Variants in VRK2 observed in about 807,000 individuals in gnomAD.
VRK2 encodes VRK serine/threonine kinase 2.
VRK2 carries 60 observed loss-of-function variants against 57.6 expected under a neutral mutation model. The ratio of observed to expected loss-of-function variants is 1.04; its 90% CI spans 0.85 to 1.29. The LOEUF (loss-of-function observed/expected upper bound fraction) is 1.29. Among genes scored for constraint, VRK2 ranks in the 50% most tolerant of loss-of-function variants. The pLI, the probability that VRK2 is intolerant of heterozygous loss-of-function variation, is 0.00. For missense variants in VRK2, 705 were observed against 588.1 expected (o/e 1.20, Z -2.06); for synonymous variants, 231 against 199.2 (o/e 1.16, Z -1.35).
intron 1 of VRK2, chr2:58,017,936 G>C (rs1413194066): frequency 6.6e-6 from 1 of 152,178 alleles, no homozygotes; most frequent in Non-Finnish European, 1.5e-5. Context: ...CATCATAATA[G>C]AGACAACAAA....
chr2:58,048,895 G>T lies in VRK2; in HGVS notation c.64G>T (p.Asp22Tyr). The change falls in exon 2 of 13, where the codon GAT becomes TAT. Residue 22 changes from aspartate (D) to tyrosine (Y), a missense_variant. Physicochemically the swap from Asp to Tyr is radical, Grantham distance 160. Transcript: ENST00000340157. ...PIPFPEGKVL[D>Y]DMEGNQWVLG... ...TCCATTTCCAGAAGGCAAGGTTCTG[G>T]ATGATATGGAAGGCAATCAGTGGGT... The T allele has an allele frequency of 1.2e-6, 2 of 1,614,016 alleles. No individual in the cohort carries two copies. The highest frequency in any genetic ancestry group is 1.7e-6 in the Non-Finnish European group (2 of 1,179,956).
Position 58,159,365 on chromosome 2 carries a change from G to A in VRK2, c.1199G>A (p.Arg400Lys). Residue 400 changes from arginine to lysine, a missense_variant, in exon 13 of 13, where the codon AGA becomes AAA. Transcript: ENST00000340157. ...NEAAQESTRR[R>K]QKYQESQEPL... ...TTTCCATAGGAAAGCACAAGGAGAA[G>A]ACAGAAATATCAAGAGTCTCAAGAA... is the stretch of plus-strand genomic sequence containing the variant. 6.2e-7 allele frequency: 1 copy of A among 1,607,240 alleles called. No homozygotes were observed. The highest frequency in any genetic ancestry group is 8.5e-7 in the Non-Finnish European group (1 of 1,177,568).
At chr2:58,016,434 C>T (rs746965548) in intron 1 of VRK2, among the ~76,000 whole-genome samples, 9 of 152,178 alleles carry the variant, frequency 5.9e-5, no homozygotes, top group Non-Finnish European at 8.8e-5. Flanking sequence ...GCAACCTCCG[C>T]CTCCCAGGTC....
rs1389810595 is a variant in VRK2, at chr2:58,139,818, C to T, written c.1009C>T (p.Pro337Ser). ...AGGACAGAGTATAAATGTCCATACT[C>T]CAAACAGTCAAAAAGTAAGTAACAT... is the stretch of plus-strand genomic sequence containing the variant. ...TKGQSINVHTPNSQKVDSQKA... is the reference protein window; with the variant it reads ...TKGQSINVHTSNSQKVDSQKA... The change falls in exon 11 of 13, where the codon CCA (proline) becomes TCA (serine). Residue 337 changes from proline to serine, a missense_variant. Physicochemically the swap from Pro to Ser is moderately conservative, Grantham distance 74. Transcript: ENST00000340157. 6.2e-7 allele frequency: 1 copy of T among 1,610,496 alleles called. No homozygotes were observed. Among genetic ancestry groups the T allele is most frequent in the South Asian group, 1.1e-5 (1 of 90,564 alleles).
intron 1 of VRK2, among the ~76,000 whole-genome samples, chr2:57,995,121 T>C (rs1203129883): frequency 1.3e-5 from 2 of 152,188 alleles, no homozygotes; most frequent in South Asian, 2.1e-4. Flanking sequence ...GTAAGGTTAG[T>C]TGCAATGTGG....
intron 7 of VRK2, among the ~76,000 whole-genome samples, chr2:58,107,582 A>C (rs1674938610): frequency 6.6e-6 from 1 of 152,212 alleles, no homozygotes; most frequent in African/African-American, 2.4e-5. Context: ...AAGAAGATTT[A>C]ATTGTACAAA....
At chr2:58,060,839 T>C (rs1445186289) in intron 2 of VRK2, among the ~76,000 whole-genome samples, 7 of 151,868 alleles carry the variant, frequency 4.6e-5, no homozygotes, top group Admixed American at 3.9e-4. Flanking sequence ...TTCATACACT[T>C]TGAAAATAGG....
Position 58,023,432 on chromosome 2 carries a change from C to T in VRK2, c.-438-2233C>T, listed in dbSNP as rs556835961. Among the ~76,000 whole-genome samples the T allele has an allele frequency of 2.6e-5, 4 of 152,210 alleles. No individual in the cohort carries two copies. The South Asian group carries it at 8.3e-4, about 32-fold the overall frequency. The stretch of plus-strand genomic sequence containing the variant: ...TTCTCCATTCAATTGTCAATGGACC[C>T]TTTGGTTGCTTCTTGGCTTTTGTGA... On this transcript the variant is annotated intron_variant, in intron 1 of 15. Coordinates refer to the VRK2 transcript ENST00000417641.
chr2:58,134,879 C>T (rs1192475874), intron 9 of VRK2, among the ~76,000 whole-genome samples: 1 of 151,966 alleles, frequency 6.6e-6, no homozygotes, highest in Non-Finnish European at 1.5e-5. Context: ...TGGCTGCAAC[C>T]CTTATGGTGG....
intron 9 of VRK2, among the ~76,000 whole-genome samples, chr2:58,134,281 C>T (rs994050571): frequency 6.6e-6 from 1 of 152,186 alleles, no homozygotes; most frequent in Non-Finnish European, 1.5e-5. Context: ...CCAAAGGGGT[C>T]CTGCCCCATC....
chr2:58,075,978 T>C (rs908379916), intron 2 of VRK2, among the ~76,000 whole-genome samples: 4 of 151,130 alleles, frequency 2.6e-5, no homozygotes, highest in Admixed American at 2.6e-4. Context: ...GCTGTTGATT[T>C]TCAGATTGTT....
intron 1 of VRK2, among the ~76,000 whole-genome samples, chr2:57,934,002 A>C (rs1341134476): frequency 6.6e-6 from 1 of 152,130 alleles, no homozygotes; most frequent in African/African-American, 2.4e-5. Context: ...CTTGCCTTTT[A>C]TCATGTACTA....
At chr2:57,936,234 A>C (rs544245064) in intron 1 of VRK2, among the ~76,000 whole-genome samples, 2 of 152,204 alleles carry the variant, frequency 1.3e-5, no homozygotes, top group Non-Finnish European at 2.9e-5. Flanking sequence ...CTTGCAATTT[A>C]TATTTATTTC....
intron 1 of VRK2, among the ~76,000 whole-genome samples, chr2:57,996,901 T>C (rs922629929): frequency 1.3e-5 from 2 of 152,084 alleles, no homozygotes; most frequent in African/African-American, 4.8e-5. Flanking sequence ...TTTCATTTTT[T>C]TTCCTGTTGT....
chr2:58,140,101 C>T (rs1681103491), intron 11 of VRK2, among the ~76,000 whole-genome samples: 1 of 152,048 alleles, frequency 6.6e-6, no homozygotes, highest in Non-Finnish European at 1.5e-5. Flanking sequence ...AAAGGCTAAT[C>T]TGATGTTACT....
intron 1 of VRK2, among the ~76,000 whole-genome samples, chr2:57,963,350 T>C (rs1392482498): frequency 2.6e-5 from 4 of 152,232 alleles, no homozygotes; most frequent in African/African-American, 9.6e-5. Flanking sequence ...ATTTTCAAGA[T>C]GTATTTAGGC....
At chr2:57,944,423 G>C (rs1337664658) in intron 1 of VRK2, among the ~76,000 whole-genome samples, 1 of 152,164 alleles carries the variant, frequency 6.6e-6, no homozygotes, top group African/African-American at 2.4e-5. Flanking sequence ...GAAGTATTAG[G>C]ATAGAAAATA....
At chr2:58,121,581 A>G (rs1272208543) in intron 7 of VRK2, among the ~76,000 whole-genome samples, 1 of 152,156 alleles carries the variant, frequency 6.6e-6, no homozygotes, top group African/African-American at 2.4e-5. Context: ...AGTTACTCCA[A>G]CAAATGAAGA....
chr2:57,913,930 A>G (rs17049247), intron 1 of VRK2, among the ~76,000 whole-genome samples: 14,336 of 152,134 alleles, frequency 0.094, 765 homozygotes, highest in African/African-American at 0.13. Flanking sequence ...ATGTAACCAC[A>G]ATAAGTTATT....
Sources: allele counts gnomAD v4.1 joint callset (sites outside exome capture counted in the v4.1 genomes callset), GRCh38; gene constraint gnomAD v4.1.1; transcripts MANE v1.5; gene names NCBI Gene and HGNC (gene_info 2026-07-23, HGNC 2026-07-21).